BCAS3: variants seen among roughly 807,000 people sequenced by gnomAD.
The protein encoded by BCAS3 is BCAS3 microtubule associated cell migration factor.
BCAS3 carries 53 observed loss-of-function variants against 116.1 expected under a neutral mutation model. That is an observed-to-expected ratio of 0.46 (90% CI 0.37 to 0.57). The LOEUF (loss-of-function observed/expected upper bound fraction) is 0.57, where lower values mean the gene tolerates loss of function less well. Among genes scored for constraint, BCAS3 ranks in the 20% least tolerant of loss-of-function variants. BCAS3 has a pLI of 0.00. For synonymous variants in BCAS3, 391 were observed against 408.2 expected, an observed-to-expected ratio of 0.96 and a Z score of 0.51; for missense variants, 917 against 1,165.4, an observed-to-expected ratio of 0.79 and a Z score of 3.10.
At chr17:60,867,344 G>C (rs979551287) in intron 7 of BCAS3, among the ~76,000 whole-genome samples, 1 of 151,930 alleles carries the variant, frequency 6.6e-6, no homozygotes, top group Non-Finnish European at 1.5e-5. Context: ...GACCTCAAGT[G>C]ATCTGCCTGT....
chr17:60,776,331 C>T (rs1416482415), intron 6 of BCAS3, among the ~76,000 whole-genome samples: 2 of 152,078 alleles, frequency 1.3e-5, no homozygotes, highest in East Asian at 3.8e-4. Context: ...TTGAAAATGC[C>T]AGTATAATAT....
intron 7 of BCAS3, among the ~76,000 whole-genome samples, chr17:60,841,494 C>T (rs2051903395): frequency 6.6e-6 from 1 of 151,102 alleles, no homozygotes; most frequent in South Asian, 2.1e-4. Context: ...ATTCTCCTGC[C>T]TCAGCCTCCC....
intron 6 of BCAS3, among the ~76,000 whole-genome samples, chr17:60,776,431 G>C (rs2045290330): frequency 6.6e-6 from 1 of 152,048 alleles, no homozygotes; most frequent in Admixed American, 6.6e-5. Context: ...AACAATATAA[G>C]AACAAATGGC....
chr17:60,781,987 C>T (rs2045875083), intron 6 of BCAS3, among the ~76,000 whole-genome samples: 1 of 121,682 alleles, frequency 8.2e-6, no homozygotes, highest in Non-Finnish European at 1.6e-5. Flanking sequence ...TCACCATCCT[C>T]CACCTAGAAA....
intron 22 of BCAS3, among the ~76,000 whole-genome samples, chr17:61,334,680 A>AAC (rs2056577536): frequency 6.6e-6 from 1 of 151,756 alleles, no homozygotes; most frequent in African/African-American, 2.4e-5. Flanking sequence ...AAAAAAAAAA[A>AAC]AAAAAAAAAC....
rs1200324727 is a variant in BCAS3 at position 60,995,590 on chromosome 17, G to A, written c.1486+5355G>A. Among the ~76,000 whole-genome samples the A allele has an allele frequency of 1.3e-5, 2 of 152,124 alleles. No homozygotes were observed. The highest frequency in any genetic ancestry group is 2.9e-5 in the Non-Finnish European group (2 of 68,010). On this transcript the variant is annotated intron_variant, in intron 15 of 23. Transcript: ENST00000407086. This position sits in a 1 kb window ranked among gnomAD's most constrained non-coding sequence, Gnocchi z 4.7. ...TGGGATTACAAGCGTGAACCACCGC[G>A]CCCGACCAGTTTCTAAGGCTTTAAA...
intron 4 of BCAS3, among the ~76,000 whole-genome samples, chr17:60,694,006 C>G (rs762162382): frequency 6.7e-6 from 1 of 150,292 alleles, no homozygotes; most frequent in Non-Finnish European, 1.5e-5. Context: ...CTGCCTCAGC[C>G]TCTCGAGTAG....
chr17:61,338,689 G>A (rs894753947), intron 22 of BCAS3, among the ~76,000 whole-genome samples: 1 of 152,036 alleles, frequency 6.6e-6, no homozygotes, highest in Non-Finnish European at 1.5e-5. Flanking sequence ...GTGGGAGGCT[G>A]CCCATCACTG....
chr17:61,224,378 G>C lies in BCAS3; in HGVS notation c.2425+139814G>C, dbSNP rs2082268797. 6.6e-6 allele frequency among the ~76,000 whole-genome samples: 1 copy of C among 152,156 alleles called. No homozygotes were observed. The highest frequency in any genetic ancestry group is 1.5e-5 in the Non-Finnish European group (1 of 68,034). ...AGTTCAGGAGAGATTTCATGGAAGA[G>C]GTATCATTCAAGCTGAGTTTTGTTA... is the stretch of plus-strand genomic sequence containing the variant. On this transcript the variant is annotated intron_variant, in intron 22 of 23. Transcript: ENST00000407086. The surrounding 1 kb of genome is among the most constrained non-coding windows in gnomAD (Gnocchi z 5.7).
chr17:60,940,890 C>A (rs2060188346), intron 13 of BCAS3, among the ~76,000 whole-genome samples: 1 of 152,134 alleles, frequency 6.6e-6, no homozygotes, highest in African/African-American at 2.4e-5. Flanking sequence ...GCAAAAAAGG[C>A]AAACCTACTC....
chr17:60,999,078 C>T (rs2064040753), intron 15 of BCAS3, among the ~76,000 whole-genome samples: 2 of 152,138 alleles, frequency 1.3e-5, no homozygotes, highest in African/African-American at 4.8e-5. Context: ...ATAGTTATAT[C>T]CTTTCCCCAT....
At chr17:61,373,518 C>T (rs1465656922) in intron 23 of BCAS3, among the ~76,000 whole-genome samples, 1 of 151,780 alleles carries the variant, frequency 6.6e-6, no homozygotes, top group Non-Finnish European at 1.5e-5. Flanking sequence ...CAACCTCCAC[C>T]TCATGGGTTC....
intron 22 of BCAS3, among the ~76,000 whole-genome samples, chr17:61,266,571 G>A (rs1204798469): frequency 6.6e-6 from 1 of 152,164 alleles, no homozygotes; most frequent in Non-Finnish European, 1.5e-5. Context: ...GATGAAATAA[G>A]AGGCTTAGGA....
rs73328884 is a variant in BCAS3, at chr17:61,300,439, G to C, written c.2426-67888G>C. Among the ~76,000 whole-genome samples the C allele has an allele frequency of 0.021, 3,240 of 152,256 alleles. 116 individuals carry two copies. Among genetic ancestry groups the C allele is most frequent in the African/African-American group, 0.072 (2,976 of 41,522 alleles). ...TCAGGTGACATTTGGGGAAGGAAATGATCAGTAGGGCAAGTTTTAATTTAG... is the reference window on the plus strand; with the variant it reads ...TCAGGTGACATTTGGGGAAGGAAATCATCAGTAGGGCAAGTTTTAATTTAG... On this transcript the variant is annotated intron_variant, in intron 22 of 23. Transcript: ENST00000407086. This position sits in a 1 kb window ranked among gnomAD's most constrained non-coding sequence, Gnocchi z 5.1.
At chr17:60,968,392 G>T (rs991601167) in intron 14 of BCAS3, among the ~76,000 whole-genome samples, 1 of 151,892 alleles carries the variant, frequency 6.6e-6, no homozygotes, top group Non-Finnish European at 1.5e-5. Context: ...ACTTTAAAAA[G>T]AATTTTTTTT....
intron 5 of BCAS3, among the ~76,000 whole-genome samples, chr17:60,732,663 A>G (rs2040572644): frequency 6.6e-6 from 1 of 152,024 alleles, no homozygotes; most frequent in South Asian, 2.1e-4. Context: ...ACATGGTGAA[A>G]CCCCGTGTCT....
intron 11 of BCAS3, among the ~76,000 whole-genome samples, chr17:60,906,007 G>A (rs72843592): frequency 4.3e-4 from 65 of 152,314 alleles, no homozygotes; most frequent in Non-Finnish European, 9.0e-4. Flanking sequence ...GGAACCTCTC[G>A]GTTGAATATA....
intron 14 of BCAS3, among the ~76,000 whole-genome samples, chr17:60,969,477 G>T (rs749257739): frequency 6.6e-6 from 1 of 152,096 alleles, no homozygotes; most frequent in Non-Finnish European, 1.5e-5. Flanking sequence ...AAATGAATTT[G>T]CAGATAGATC....
At chr17:61,064,218 GC>G (rs1568263954) in intron 19 of BCAS3, among the ~76,000 whole-genome samples, 1 of 152,072 alleles carries the variant, frequency 6.6e-6, no homozygotes, top group Admixed American at 6.6e-5. Flanking sequence ...ATCACTTGAG[GC>G]CCAGGAATTC....
Sources: allele counts gnomAD v4.1 joint callset (sites outside exome capture counted in the v4.1 genomes callset), GRCh38; gene constraint gnomAD v4.1.1; non-coding constraint Gnocchi (gnomAD v3.1); transcripts MANE v1.5; gene names NCBI Gene and HGNC (gene_info 2026-07-23, HGNC 2026-07-21).